The following CRYBG3 variants were observed in gnomAD, a reference collection of about 807,000 sequenced individuals.
The protein encoded by CRYBG3 is crystallin beta-gamma domain containing 3, also known as very large A-kinase anchor protein.
CRYBG3 carries 127 observed loss-of-function variants against 244.2 expected under a neutral mutation model. The observed-to-expected ratio is 0.52, with a 90% CI of 0.45 to 0.60. The LOEUF is 0.60. Ranked by LOEUF, CRYBG3 falls within the 20% of genes least tolerant of loss-of-function variation. CRYBG3 has a pLI of 0.00. For synonymous variants in CRYBG3, 1,132 were observed against 1,195.8 expected, an observed-to-expected ratio of 0.95 and a Z score of 1.10; for missense variants, 3,325 against 3,442.5, an observed-to-expected ratio of 0.97 and a Z score of 0.85.
chr3:97,850,787 A>G (rs1386482932), intron 2 of CRYBG3, among the ~76,000 whole-genome samples: 4 of 152,186 alleles, frequency 2.6e-5, no homozygotes, highest in Non-Finnish European at 4.4e-5. Flanking sequence ...ATATATCAGT[A>G]CTCACTGAGG....
chr3:97,891,736 A>G (rs1034669131), intron 10 of CRYBG3, among the ~76,000 whole-genome samples: 3 of 152,160 alleles, frequency 2.0e-5, no homozygotes, highest in South Asian at 4.1e-4. Context: ...CAGGAGCGTA[A>G]GGTGGATGCC....
intron 1 of CRYBG3, among the ~76,000 whole-genome samples, chr3:97,837,514 T>C (rs2038751189): frequency 6.6e-6 from 1 of 152,134 alleles, no homozygotes; most frequent in Non-Finnish European, 1.5e-5. Context: ...CCACAGCTCA[T>C]GTAGTAGAAG....
At chr3:97,938,079 G>T (rs2040184077) in intron 19 of CRYBG3, among the ~76,000 whole-genome samples, 2 of 152,086 alleles carry the variant, frequency 1.3e-5, no homozygotes, top group Non-Finnish European at 2.9e-5. Context: ...GATGGCCCGT[G>T]GATATGGCAT....
Position 97,872,265 on chromosome 3 carries a change from T to G in CRYBG3, c.1071T>G (p.Asp357Glu), listed in dbSNP as rs964935998. Residue 357 changes from aspartate (D) to glutamate (E), a missense_variant, in exon 4 of 22, where the codon GAT becomes GAG. Asp to Glu is a conservative substitution (Grantham distance 45, BLOSUM62 2). This residue lies in a region of CRYBG3 where 1,526 missense variants were observed against 1,443.2 expected (regional missense o/e 1.06). Transcript: ENST00000389622. ...CTTCTGTGACTAACTCCAGCTACGATGGAGAATCTGACTCACAGCACCATT... is the reference window on the plus strand; with the variant it reads ...CTTCTGTGACTAACTCCAGCTACGAGGGAGAATCTGACTCACAGCACCATT... ...SPSSVTNSSY[D>E]GESDSQHHLS... 30 of 1,535,844 alleles carry G rather than the reference T, an allele frequency of 2.0e-5. No individual in the cohort carries two copies. The African/African-American group carries it at 4.0e-4, about 20-fold the overall frequency.
rs1262525373 is a variant in CRYBG3 at position 97,896,103 on chromosome 3, T to C, written c.7701+18T>C. 4 of 1,586,848 alleles carry C rather than the reference T, an allele frequency of 2.5e-6. No individual in the cohort carries two copies. The highest frequency in any genetic ancestry group is 3.4e-6 in the Non-Finnish European group (4 of 1,167,704). On this transcript the variant is annotated intron_variant, in intron 12 of 21. Coordinates refer to ENST00000389622, the MANE Select transcript of CRYBG3 (RefSeq NM_153605.4). ...TACAAGCTGTGAGTTAGCTTCCTTA[T>C]CCTTAATTTTCTACCTTTTAAAAAA...
chr3:97,899,358 A>G, intron 14 of CRYBG3, 95 bp downstream of exon 14: 1 of 1,323,042 alleles, frequency 7.6e-7, no homozygotes, highest in South Asian at 1.4e-5. Flanking sequence ...TTGTTGAATG[A>G]TGTCATGTGT....
chr3:97,930,640 C>T (rs2040087356), intron 17 of CRYBG3, among the ~76,000 whole-genome samples: 1 of 152,044 alleles, frequency 6.6e-6, no homozygotes, highest in Non-Finnish European at 1.5e-5. Flanking sequence ...TCCTCTAACT[C>T]CTAAATCTGT....
intron 2 of CRYBG3, among the ~76,000 whole-genome samples, chr3:97,856,104 G>A (rs1433591087): frequency 6.6e-6 from 1 of 152,018 alleles, no homozygotes. Context: ...ACCTAAGGGG[G>A]CCATTTATAG....
Position 97,872,211 on chromosome 3 carries a change from G to A in CRYBG3, c.1017G>A (p.Gly339=), listed in dbSNP as rs1025277740. 1.6e-5 allele frequency: 25 copies of A among 1,535,608 alleles called. No individual in the cohort carries two copies. Among genetic ancestry groups the A allele is most frequent in the Non-Finnish European group, 1.9e-5 (22 of 1,146,642 alleles). The change falls in exon 4 of 22, where the codon GGG becomes GGA. Residue 339 remains glycine (G), a synonymous_variant. Coordinates refer to ENST00000389622, the MANE Select transcript of CRYBG3 (RefSeq NM_153605.4). ...ATCTTTTAAATAAAAATGCTTGGGG[G>A]AGTATTGAGAGAAATAGGTCATCCC... ...SNNLLNKNAW[G]SIERNRSSPS...
At chr3:97,842,465 C>G (rs1352354133) in intron 1 of CRYBG3, among the ~76,000 whole-genome samples, 1 of 151,646 alleles carries the variant, frequency 6.6e-6, no homozygotes, top group Non-Finnish European at 1.5e-5. Context: ...GGAGGGTGAG[C>G]CAGGAGGATT....
chr3:97,836,389 TA>T (rs1422984737), intron 1 of CRYBG3, among the ~76,000 whole-genome samples: 2 of 151,664 alleles, frequency 1.3e-5, no homozygotes, highest in Non-Finnish European at 2.9e-5. Context: ...TAATAGCCAT[TA>T]AAAAAAATAC....
At chr3:97,924,303 G>A (rs540782819) in intron 17 of CRYBG3, 7 of 382,094 alleles carry the variant, frequency 1.8e-5, no homozygotes, top group African/African-American at 1.5e-4. Flanking sequence ...CAAGCTAAAT[G>A]TGAAAAGCAA....
At chr3:97,919,591 C>T (rs1213800638) in intron 17 of CRYBG3, among the ~76,000 whole-genome samples, 14 of 151,472 alleles carry the variant, frequency 9.2e-5, no homozygotes, top group Admixed American at 9.2e-4. Context: ...ACAAGAAGAC[C>T]TTTTAAGATG....
chr3:97,920,760 C>T (rs1347780429), intron 17 of CRYBG3, among the ~76,000 whole-genome samples: 1 of 152,030 alleles, frequency 6.6e-6, no homozygotes, highest in Non-Finnish European at 1.5e-5. Flanking sequence ...AAACTCCTGA[C>T]CTCAAGGGAT....
chr3:97,879,377 C>T (rs1235245108), intron 4 of CRYBG3, among the ~76,000 whole-genome samples: 1 of 152,198 alleles, frequency 6.6e-6, no homozygotes, highest in Non-Finnish European at 1.5e-5. Flanking sequence ...TGTATGCCCT[C>T]ACCTCCATGC....
chr3:97,872,603 CAG>C lies in CRYBG3; in HGVS notation c.1414_1415del (p.Ser472Ter). 2 of 1,535,894 alleles carry C rather than the reference CAG, an allele frequency of 1.3e-6. No homozygotes were observed. The highest frequency in any genetic ancestry group is 2.4e-5 in the South Asian group (2 of 84,040). On this transcript the variant is annotated frameshift_variant, in exon 4 of 22. Coordinates refer to ENST00000389622, the MANE Select transcript of CRYBG3 (RefSeq NM_153605.4). LOFTEE classifies it high-confidence loss of function. ...ATTAGGCATGAACATCTGCAGTTGC[CAG>C]AGAGTGAGTGTTCTGACAAGCAAAC... is the stretch of plus-strand genomic sequence containing the variant.
intron 16 of CRYBG3, among the ~76,000 whole-genome samples, chr3:97,914,039 TC>T (rs1280569337): frequency 3.9e-5 from 6 of 152,278 alleles, no homozygotes; most frequent in African/African-American, 1.4e-4. Context: ...TCAGATATAT[TC>T]TTTAAGGTTC....
rs543681116 is a variant in CRYBG3, at chr3:97,847,441, C to T, written c.216+4180C>T. On this transcript the variant is annotated intron_variant, in intron 2 of 21. Transcript: ENST00000389622. ...TCTCAAATTAAGTCACTTGACACAACTCCCACTGATAATGAACAGAGGCAA... is the reference window on the plus strand; with the variant it reads ...TCTCAAATTAAGTCACTTGACACAATTCCCACTGATAATGAACAGAGGCAA... 2.0e-5 allele frequency among the ~76,000 whole-genome samples: 3 copies of T among 152,292 alleles called. No homozygotes were observed. The South Asian group carries it at 6.2e-4, about 32-fold the overall frequency.
rs1559710871 is a variant in CRYBG3, at chr3:97,829,563, G to A, written c.149+7208G>A. 2.0e-5 allele frequency among the ~76,000 whole-genome samples: 3 copies of A among 152,272 alleles called. No homozygotes were observed. In the East Asian group the frequency reaches 5.8e-4, roughly 29 times the overall value. Reference sequence around the variant, plus strand: ...TATTAAGTGTGTACAAAATTGATGTGCCTTATAAATTAGAAAGATTTATAT... The same window carrying A: ...TATTAAGTGTGTACAAAATTGATGTACCTTATAAATTAGAAAGATTTATAT... On this transcript the variant is annotated intron_variant, in intron 1 of 21. Coordinates refer to ENST00000389622, the MANE Select transcript of CRYBG3 (RefSeq NM_153605.4).
Sources: gnomAD v4.1 joint callset for allele counts (sites outside exome capture counted in the v4.1 genomes callset) on GRCh38, gnomAD v4.1.1 for gene constraint, gnomAD v4.1.1 regional missense constraint, MANE v1.5 for transcripts, NCBI Gene and HGNC (gene_info 2026-07-23, HGNC 2026-07-21) for gene names.